SIPA1L1: variants seen among roughly 807,000 people sequenced by gnomAD.
SIPA1L1 encodes the protein signal induced proliferation associated 1 like 1, also known as signal-induced proliferation-associated 1-like protein 1.
A neutral mutation model predicts 162.7 loss-of-function variants in SIPA1L1; 26 were observed. The ratio of observed to expected loss-of-function variants is 0.16; its 90% CI spans 0.12 to 0.22. The LOEUF is 0.22. SIPA1L1 is among the 10% of genes least tolerant of loss of function. The pLI is 1.00. For synonymous variants in SIPA1L1, 829 were observed against 837.4 expected (o/e 0.99, Z 0.17); for missense variants, 1,874 against 2,241.0 (o/e 0.84, Z 3.31).
chr14:71,482,092 A>G (rs1002787596), intron 2 of SIPA1L1, among the ~76,000 whole-genome samples: 6 of 152,184 alleles, frequency 3.9e-5, no homozygotes, highest in Non-Finnish European at 7.4e-5. Context: ...GGGACCCTTT[A>G]TGGAGCTCTG....
chr14:71,681,380 AG>A (rs2045794147), intron 12 of SIPA1L1, among the ~76,000 whole-genome samples: 1 of 152,234 alleles, frequency 6.6e-6, no homozygotes, highest in Non-Finnish European at 1.5e-5. Flanking sequence ...TATTGCATAG[AG>A]TGGTCAACCC....
chr14:71,330,704 C>T (rs1463113466), intron 2 of SIPA1L1: 1 of 881,950 alleles, frequency 1.1e-6, no homozygotes, highest in Non-Finnish European at 2.0e-6. Context: ...GGAGGATTCT[C>T]ATAGGCAGGC....
intron 2 of SIPA1L1, among the ~76,000 whole-genome samples, chr14:71,398,751 A>G (rs1032483158): frequency 6.6e-6 from 1 of 152,216 alleles, no homozygotes; most frequent in Non-Finnish European, 1.5e-5. Context: ...AGGACAAAGT[A>G]GAACTTTGTG....
chr14:71,549,336 C>T (rs532228043), intron 4 of SIPA1L1, among the ~76,000 whole-genome samples: 6 of 151,494 alleles, frequency 4.0e-5, no homozygotes, highest in Non-Finnish European at 7.4e-5. Context: ...TTTTAAATGC[C>T]GAGATTTCTT....
At chr14:71,473,185 G>C (rs1413074200) in intron 2 of SIPA1L1, among the ~76,000 whole-genome samples, 1 of 151,924 alleles carries the variant, frequency 6.6e-6, no homozygotes, top group Non-Finnish European at 1.5e-5. Flanking sequence ...ATTACTTTCA[G>C]CTTTCATATG....
chr14:71,585,857 G>A (rs1265689185), intron 4 of SIPA1L1, among the ~76,000 whole-genome samples: 1 of 152,140 alleles, frequency 6.6e-6, no homozygotes, highest in East Asian at 1.9e-4. Flanking sequence ...TGGTTCAGTT[G>A]TTCAATTTTC....
At chr14:71,710,386 T>A (rs1344208961) in intron 17 of SIPA1L1, among the ~76,000 whole-genome samples, 1 of 152,230 alleles carries the variant, frequency 6.6e-6, no homozygotes, top group Non-Finnish European at 1.5e-5. Context: ...ATTCCATCAC[T>A]GTCTTTTTAG....
rs141414850 is a variant in SIPA1L1 at position 71,623,225 on chromosome 14, C to T, written c.1630-823C>T. ...CATATTTGACAATCCTCAACTTGCA[C>T]TCCTAGCTTTTGTAGCTCCTGTTGC... On this transcript the variant is annotated intron_variant, in intron 6 of 23. Coordinates refer to ENST00000381232, the MANE Select transcript of SIPA1L1 (RefSeq NM_001386936.1). Among the ~76,000 whole-genome samples, 857 of 152,292 alleles carry T rather than the reference C, an allele frequency of 5.6e-3. 6 individuals are homozygous for T. The highest frequency in any genetic ancestry group is 8.5e-3 in the Non-Finnish European group (579 of 68,028).
intron 2 of SIPA1L1, among the ~76,000 whole-genome samples, chr14:71,453,091 C>T (rs1167780244): frequency 2.0e-5 from 3 of 152,098 alleles, no homozygotes; most frequent in Non-Finnish European, 4.4e-5. Flanking sequence ...TTAAAGTTAT[C>T]TATCTGTTTC....
intron 5 of SIPA1L1, among the ~76,000 whole-genome samples, chr14:71,614,879 T>C (rs1300813706): frequency 6.6e-6 from 1 of 152,180 alleles, no homozygotes; most frequent in African/African-American, 2.4e-5. Flanking sequence ...TTGTATTTTG[T>C]CTACCAGTAA....
intron 2 of SIPA1L1, among the ~76,000 whole-genome samples, chr14:71,393,338 A>G (rs2040918161): frequency 6.6e-6 from 1 of 152,242 alleles, no homozygotes; most frequent in Non-Finnish European, 1.5e-5. Flanking sequence ...TGATATTAAT[A>G]TGCATTTGAA....
intron 4 of SIPA1L1, among the ~76,000 whole-genome samples, chr14:71,564,379 T>C (rs926816000): frequency 6.6e-6 from 1 of 151,160 alleles, no homozygotes; most frequent in African/African-American, 2.4e-5. Context: ...TTTTTTTTTT[T>C]AAACATACAT....
At chr14:71,581,175 T>C (rs1233058911) in intron 4 of SIPA1L1, among the ~76,000 whole-genome samples, 1 of 152,036 alleles carries the variant, frequency 6.6e-6, no homozygotes, top group Non-Finnish European at 1.5e-5. Flanking sequence ...TTAATAAAAT[T>C]AGTGGTGGTA....
chr14:71,486,509 T>C (rs1233226885), intron 2 of SIPA1L1, among the ~76,000 whole-genome samples: 1 of 152,224 alleles, frequency 6.6e-6, no homozygotes, highest in Non-Finnish European at 1.5e-5. Context: ...CAAGGGAGGC[T>C]CAAGTGTGGT....
intron 2 of SIPA1L1, among the ~76,000 whole-genome samples, chr14:71,345,666 C>G (rs1361691376): frequency 6.6e-6 from 1 of 151,188 alleles, no homozygotes; most frequent in Non-Finnish European, 1.5e-5. Flanking sequence ...CTCTGCCTCC[C>G]GAGTTCATGC....
chr14:71,438,500 G>C (rs1235086588), intron 2 of SIPA1L1, among the ~76,000 whole-genome samples: 1 of 152,098 alleles, frequency 6.6e-6, no homozygotes, highest in Non-Finnish European at 1.5e-5. Flanking sequence ...CTTATTCCCA[G>C]ATCTCAAAAT....
chr14:71,551,331 T>A (rs548619063), intron 4 of SIPA1L1, among the ~76,000 whole-genome samples: 1 of 152,320 alleles, frequency 6.6e-6, no homozygotes, highest in African/African-American at 2.4e-5. Flanking sequence ...GGAAACCTCT[T>A]CTTCCCAGGC....
chr14:71,735,645 TCAGGGCCAG>T (rs2085216209), intron 22 of SIPA1L1: 3 of 372,172 alleles, frequency 8.1e-6, no homozygotes, highest in African/African-American at 2.1e-5. Context: ...ATTTATGCCC[TCAGGGCCAG>T]TTGGGGCAGG....
chr14:71,582,739 A>G (rs1208695494), intron 4 of SIPA1L1, among the ~76,000 whole-genome samples: 1 of 152,220 alleles, frequency 6.6e-6, no homozygotes, highest in Non-Finnish European at 1.5e-5. Context: ...GAGAGTGAAC[A>G]TTAGGAGAGC....
Sources: allele counts gnomAD v4.1 joint callset (sites outside exome capture counted in the v4.1 genomes callset), GRCh38; gene constraint gnomAD v4.1.1; transcripts MANE v1.5; gene names NCBI Gene and HGNC (gene_info 2026-07-23, HGNC 2026-07-21).